The following DCLK1 variants were observed in gnomAD, a reference collection of about 807,000 sequenced individuals.
DCLK1 encodes the protein doublecortin like kinase 1.
A neutral mutation model predicts 86.2 loss-of-function variants in DCLK1; 16 were observed. The observed-to-expected ratio is 0.19, with a 90% confidence interval of 0.13 to 0.28. The LOEUF (loss-of-function observed/expected upper bound fraction) is 0.28. DCLK1 is among the 10% of genes least tolerant of loss of function. DCLK1 has a pLI of 1.00. For synonymous variants in DCLK1, 369 were observed against 370.5 expected (o/e 1.00, Z 0.05); for missense variants, 590 against 940.2 (o/e 0.63, Z 4.87).
chr13:35,964,781 GA>G (rs10533073), intron 3 of DCLK1, among the ~76,000 whole-genome samples: 2,863 of 130,174 alleles, frequency 0.022, 42 homozygotes, highest in East Asian at 0.067. Context: ...AAAATGGTTG[GA>G]AAAAAAAAAA....
intron 3 of DCLK1, among the ~76,000 whole-genome samples, chr13:36,021,550 GAGA>G (rs1327677318): frequency 6.6e-6 from 1 of 151,988 alleles, no homozygotes; most frequent in Non-Finnish European, 1.5e-5. Flanking sequence ...GTAAAAGAAT[GAGA>G]AGACATAATA....
intron 5 of DCLK1, among the ~76,000 whole-genome samples, chr13:35,868,272 C>A (rs1358144792): frequency 6.6e-6 from 1 of 152,144 alleles, no homozygotes; most frequent in Non-Finnish European, 1.5e-5. Flanking sequence ...CCGCCTGCCT[C>A]AGCCTCCCAA....
At chr13:35,803,789 C>T (rs143706927) in intron 15 of DCLK1, among the ~76,000 whole-genome samples, 2 of 152,284 alleles carry the variant, frequency 1.3e-5, no homozygotes, top group East Asian at 3.9e-4. Flanking sequence ...ATTTTGTGGC[C>T]TTCAATGTAC....
At chr13:35,892,161 G>C (rs1873687561) in intron 4 of DCLK1, among the ~76,000 whole-genome samples, 1 of 152,066 alleles carries the variant, frequency 6.6e-6, no homozygotes, top group African/African-American at 2.4e-5. Flanking sequence ...CTATTTCTTA[G>C]AGAGTCTGTT....
At chr13:35,995,235 A>G (rs978250884) in intron 3 of DCLK1, among the ~76,000 whole-genome samples, 3 of 152,212 alleles carry the variant, frequency 2.0e-5, no homozygotes, top group Non-Finnish European at 4.4e-5. Context: ...CATCTTTTCC[A>G]ATATCATATT....
At chr13:36,045,363 T>TAG in intron 3 of DCLK1, among the ~76,000 whole-genome samples, 1 of 131,694 alleles carries the variant, frequency 7.6e-6, no homozygotes, top group Non-Finnish European at 1.6e-5. Context: ...TATATATATA[T>TAG]ATATATATAT....
At chr13:35,864,605 T>C (rs1403094715) in intron 5 of DCLK1, among the ~76,000 whole-genome samples, 1 of 143,378 alleles carries the variant, frequency 7.0e-6, no homozygotes, top group Non-Finnish European at 1.5e-5. Flanking sequence ...GCTATCTAAA[T>C]GGAAATAAAA....
intron 3 of DCLK1, among the ~76,000 whole-genome samples, chr13:36,013,776 G>T (rs1320694356): frequency 6.6e-6 from 1 of 152,218 alleles, no homozygotes; most frequent in African/African-American, 2.4e-5. Context: ...CTTCCTGGCT[G>T]CTTTGTTTAC....
At chr13:36,067,710 T>C (rs1321303442) in intron 3 of DCLK1, among the ~76,000 whole-genome samples, 1 of 152,136 alleles carries the variant, frequency 6.6e-6, no homozygotes, top group African/African-American at 2.4e-5. Flanking sequence ...CTCTACCTCC[T>C]TGAGGACAAT....
intron 14 of DCLK1, among the ~76,000 whole-genome samples, chr13:35,806,853 G>A (rs1012780640): frequency 7.9e-5 from 12 of 152,260 alleles, no homozygotes; most frequent in South Asian, 2.1e-4. Flanking sequence ...TTTAGCCTGC[G>A]CCTTTCTCTG....
chr13:35,834,895 G>A (rs1016704100), intron 8 of DCLK1, among the ~76,000 whole-genome samples: 1 of 152,170 alleles, frequency 6.6e-6, no homozygotes, highest in Non-Finnish European at 1.5e-5. Context: ...CTGCACAAAG[G>A]TCCATAAGGA....
At chr13:36,056,618 T>TAAA (rs71196600) in intron 3 of DCLK1, among the ~76,000 whole-genome samples, 3 of 109,766 alleles carry the variant, frequency 2.7e-5, no homozygotes, top group Admixed American at 9.5e-5. Flanking sequence ...AAGTATAATT[T>TAAA]AAAAAAAAAA....
intron 4 of DCLK1, among the ~76,000 whole-genome samples, chr13:35,924,265 A>T (rs967514147): frequency 3.3e-5 from 5 of 151,250 alleles, no homozygotes; most frequent in Non-Finnish European, 3.0e-5. Flanking sequence ...TTTTTTTTTT[A>T]AATGGCTGTC....
intron 8 of DCLK1, 145 bp downstream of exon 8, chr13:35,835,888 T>C (rs1869334185): frequency 8.4e-6 from 5 of 593,658 alleles, no homozygotes; most frequent in Non-Finnish European, 1.1e-5. Flanking sequence ...GATGGGTCTT[T>C]CTTTTGCAAA....
At chr13:35,957,844 AATG>A (rs1465476435) in intron 3 of DCLK1, among the ~76,000 whole-genome samples, 2 of 151,520 alleles carry the variant, frequency 1.3e-5, no homozygotes, top group Non-Finnish European at 3.0e-5. Flanking sequence ...TTCTTAAGTA[AATG>A]ATGTTTTTCA....
intron 15 of DCLK1, among the ~76,000 whole-genome samples, chr13:35,802,120 GCA>G (rs1462145031): frequency 2.0e-5 from 3 of 152,034 alleles, no homozygotes; most frequent in African/African-American, 7.2e-5. Flanking sequence ...GGCAGGGCTG[GCA>G]CACAGTGTCT....
At chr13:35,788,867 C>A (rs977888996) in intron 16 of DCLK1, among the ~76,000 whole-genome samples, 12 of 152,042 alleles carry the variant, frequency 7.9e-5, no homozygotes, top group African/African-American at 2.9e-4. Flanking sequence ...AAAGGTGAAT[C>A]TTAATTACAT....
Position 35,989,341 on chromosome 13 carries a change from G to A in DCLK1, c.724-41884C>T, listed in dbSNP as rs1025366841. On this transcript the variant is annotated intron_variant, in intron 3 of 16. Coordinates refer to ENST00000360631, the MANE Select transcript of DCLK1 (RefSeq NM_001330071.2). ...GGCTGGAGTGCAGTGACACGATGTC[G>A]ACTCACTGCAACATCCGCCTCCTGG... Among the ~76,000 whole-genome samples, 8 of 152,090 alleles carry A rather than the reference G, an allele frequency of 5.3e-5. No homozygotes were observed. In the East Asian group the frequency reaches 7.7e-4, roughly 15 times the overall value.
chr13:36,017,994 T>A (rs1258191442), intron 3 of DCLK1, among the ~76,000 whole-genome samples: 1 of 152,204 alleles, frequency 6.6e-6, no homozygotes, highest in Non-Finnish European at 1.5e-5. Context: ...TAACTCTATT[T>A]GCACTGCTAA....
Sources: allele counts gnomAD v4.1 joint callset (sites outside exome capture counted in the v4.1 genomes callset), GRCh38; gene constraint gnomAD v4.1.1; transcripts MANE v1.5; gene names NCBI Gene and HGNC (gene_info 2026-07-23, HGNC 2026-07-21).